The following REDIC1 variants were observed in gnomAD, a reference collection of about 807,000 sequenced individuals.
REDIC1 encodes the protein HEI10 Interacting Protein 1.
the REDIC1 span, among the ~76,000 whole-genome samples, chr12:39,684,589 T>C: frequency 6.6e-6 from 1 of 152,194 alleles, no homozygotes; most frequent in Non-Finnish European, 1.5e-5. Flanking sequence ...TGTTAGGCCT[T>C]GAGTTTTAAA....
chr12:39,633,565 T>A, the REDIC1 span, among the ~76,000 whole-genome samples: 1 of 152,232 alleles, frequency 6.6e-6, no homozygotes, highest in African/African-American at 2.4e-5. Context: ...TCTTTTATCA[T>A]CATTATCAAG....
the REDIC1 span, among the ~76,000 whole-genome samples, chr12:39,885,293 T>C: frequency 6.6e-6 from 1 of 151,970 alleles, no homozygotes; most frequent in Non-Finnish European, 1.5e-5. Flanking sequence ...AATGCTTTCA[T>C]CTCCCGATGA....
the REDIC1 span, among the ~76,000 whole-genome samples, chr12:39,748,950 A>G: frequency 0.96 from 145,947 of 152,114 alleles, 70,047 homozygotes; most frequent in East Asian, 1. Context: ...AGCACTAAAT[A>G]CCCACAAGAG....
the REDIC1 span, among the ~76,000 whole-genome samples, chr12:39,654,587 TA>T: frequency 1.2e-3 from 179 of 143,294 alleles, no homozygotes; most frequent in African/African-American, 1.8e-3. Flanking sequence ...GACTCTGTCT[TA>T]AAAAAAAAAA....
chr12:39,712,153 C>CATATATATGTACATGTATATATACCTGT, the REDIC1 span, among the ~76,000 whole-genome samples: 5 of 95,070 alleles, frequency 5.3e-5, no homozygotes, highest in African/African-American at 1.7e-4. Context: ...TACATCTATA[C>CATATATATGTACATGTATATATACCTGT]ATGTATATGT....
chr12:39,678,687 C>T, the REDIC1 span, among the ~76,000 whole-genome samples: 3 of 142,976 alleles, frequency 2.1e-5, no homozygotes, highest in Non-Finnish European at 4.5e-5. Context: ...AATATAGATG[C>T]AAAAATCCTC....
chr12:39,674,037 A>G, the REDIC1 span, among the ~76,000 whole-genome samples: 1 of 152,310 alleles, frequency 6.6e-6, no homozygotes, highest in Admixed American at 6.5e-5. Context: ...AAATTGTTTA[A>G]CAAGTTGGAC....
the REDIC1 span, among the ~76,000 whole-genome samples, chr12:39,667,256 G>C: frequency 1.3e-5 from 2 of 152,118 alleles, no homozygotes; most frequent in Non-Finnish European, 2.9e-5. Context: ...CAGAGATTCT[G>C]GTATGTTGTG....
At chr12:39,731,928 G>A in the REDIC1 span, among the ~76,000 whole-genome samples, 1 of 150,914 alleles carries the variant, frequency 6.6e-6, no homozygotes, top group African/African-American at 2.4e-5. Flanking sequence ...ATTGTCATAA[G>A]GCAAACATCA....
chr12:39,749,489 G>A, the REDIC1 span, among the ~76,000 whole-genome samples: 1 of 152,134 alleles, frequency 6.6e-6, no homozygotes, highest in Non-Finnish European at 1.5e-5. Context: ...TCTACCAGAG[G>A]TACAAGGAGG....
the REDIC1 span, among the ~76,000 whole-genome samples, chr12:39,699,738 A>G: frequency 1.3e-5 from 2 of 152,228 alleles, no homozygotes; most frequent in South Asian, 2.1e-4. Flanking sequence ...GCACGCAGCT[A>G]GAGATCTGAG....
the REDIC1 span, among the ~76,000 whole-genome samples, chr12:39,796,155 T>C: frequency 6.6e-5 from 10 of 152,224 alleles, no homozygotes; most frequent in Admixed American, 1.3e-4. Flanking sequence ...TAACTGGTAC[T>C]AGACCTAACA....
chr12:39,648,736 A>C, the REDIC1 span, among the ~76,000 whole-genome samples: 6 of 150,808 alleles, frequency 4.0e-5, no homozygotes, highest in Non-Finnish European at 7.4e-5. Flanking sequence ...TGACATATTT[A>C]TATATTATTT....
chr12:39,655,672 T>C, the REDIC1 span, among the ~76,000 whole-genome samples: 59 of 152,242 alleles, frequency 3.9e-4, no homozygotes, highest in East Asian at 8.9e-3. Flanking sequence ...CCACTGAAAA[T>C]ATGATTGTTT....
the REDIC1 span, among the ~76,000 whole-genome samples, chr12:39,833,336 T>C: frequency 1.3e-4 from 20 of 152,170 alleles, no homozygotes; most frequent in South Asian, 3.3e-3. Context: ...CCTGTGGAGA[T>C]ATTTCGCCCT....
the REDIC1 span, chr12:39,830,327 G>A: frequency 6.6e-7 from 1 of 1,506,798 alleles, no homozygotes; most frequent in Non-Finnish European, 8.8e-7. Flanking sequence ...ACTCTCTTGT[G>A]CAGTAAGCTT....
the REDIC1 span, among the ~76,000 whole-genome samples, chr12:39,740,279 A>T: frequency 6.6e-6 from 1 of 152,222 alleles, no homozygotes; most frequent in Admixed American, 6.5e-5. Flanking sequence ...AACAGCATGT[A>T]GGAAAAAATT....
At chr12:39,826,153 G>T in the REDIC1 span, among the ~76,000 whole-genome samples, 6 of 152,004 alleles carry the variant, frequency 3.9e-5, no homozygotes, top group Non-Finnish European at 8.8e-5. Context: ...TAAATTTTCA[G>T]AAGTGTTCCA....
the REDIC1 span, among the ~76,000 whole-genome samples, chr12:39,664,689 C>G: frequency 6.6e-6 from 1 of 152,210 alleles, no homozygotes; most frequent in Non-Finnish European, 1.5e-5. Context: ...TACAGTCCCA[C>G]CAACAGTATA....
Sources: allele counts gnomAD v4.1 joint callset (sites outside exome capture counted in the v4.1 genomes callset), GRCh38; gene constraint gnomAD v4.1.1; transcripts MANE v1.5; gene names NCBI Gene and HGNC (gene_info 2026-07-23, HGNC 2026-07-21).